The following MGST1 variants were observed in gnomAD, a reference collection of about 807,000 sequenced individuals.
MGST1 encodes the protein microsomal glutathione S-transferase 1.
A neutral mutation model predicts 8.9 loss-of-function variants in MGST1; 5 were observed. The ratio of observed to expected loss-of-function variants is 0.56; its 90% CI spans 0.29 to 1.19. The LOEUF (loss-of-function observed/expected upper bound fraction) is 1.19. Among genes scored for constraint, MGST1 ranks in the 50% most tolerant of loss-of-function variants. MGST1 has a pLI of 0.08. For synonymous variants in MGST1, 54 were observed against 67.8 expected, an observed-to-expected ratio of 0.80 and a Z score of 1.00; for missense variants, 182 against 187.4, an observed-to-expected ratio of 0.97 and a Z score of 0.17.
At chr12:16,442,380 T>C (rs12815895), downstream of MGST1, among the ~76,000 whole-genome samples, 7 of 151,898 alleles carry the variant, frequency 4.6e-5, no homozygotes, top group African/African-American at 1.7e-4. This position sits in a 1 kb window ranked among gnomAD's most constrained non-coding sequence, Gnocchi z 4.5. Flanking sequence ...ATCTAAAATG[T>C]CATCACGATA....
chr12:16,352,061 G>A (rs1279951084), intron 1 of MGST1, among the ~76,000 whole-genome samples: 1 of 152,198 alleles, frequency 6.6e-6, no homozygotes. Context: ...GTATAGTGTA[G>A]TAACCGTATG....
chr12:16,357,847 T>C, intron 3 of MGST1, 148 bp downstream of exon 3: 1 of 599,370 alleles, frequency 1.7e-6, no homozygotes, highest in Non-Finnish European at 2.9e-6. Context: ...ACTGGATGTC[T>C]GAAATTGACA....
At chr12:16,399,621 C>T (rs1296015417) in intron 1 of MGST1, 1 of 1,608,860 alleles carries the variant, frequency 6.2e-7, no homozygotes, top group Non-Finnish European at 8.5e-7. Context: ...CTCTGAATCC[C>T]CTTCTTCAGC....
chr12:16,401,442 A>G lies in MGST1; in HGVS notation n.778+17838A>G. On this transcript the variant is annotated intron_variant and non_coding_transcript_variant, in intron 1 of 1. Coordinates refer to the MGST1 transcript ENST00000359720. This position sits in a 1 kb window ranked among gnomAD's most constrained non-coding sequence, Gnocchi z 4.3. ...GCTTTTTAGCCACGTCCATGACAGC[A>G]TTATATACATCACATATCTTCACAC... 1.2e-6 allele frequency: 1 copy of G among 845,876 alleles called. No individual in the cohort carries two copies. Among genetic ancestry groups the G allele is most frequent in the South Asian group, 1.3e-5 (1 of 74,430 alleles). 52.4% of individuals were successfully genotyped at this position (845,876 alleles called of 1,614,324 possible).
intron 4 of MGST1, chr12:16,549,667 A>G (rs150013338): frequency 3.5e-4 from 53 of 152,412 alleles, no homozygotes; most frequent in African/African-American, 1.2e-3. Flanking sequence ...CCATAGCACT[A>G]AGTTTGCTGT....
chr12:16,424,811 T>A (rs1940871406), intron 1 of MGST1, among the ~76,000 whole-genome samples: 1 of 152,166 alleles, frequency 6.6e-6, no homozygotes, highest in Non-Finnish European at 1.5e-5. Flanking sequence ...CCCTCAGACT[T>A]GGGAAACGGG....
Position 16,363,683 on chromosome 12 carries a change from T to C in MGST1, c.222-112T>C. The C allele has an allele frequency of 1.1e-6, 1 of 905,498 alleles. No homozygotes were observed. The highest frequency in any genetic ancestry group is 1.6e-6 in the Non-Finnish European group (1 of 643,646). 56.1% of individuals were successfully genotyped at this position (905,498 alleles called of 1,614,324 possible). A position where few individuals can be genotyped will look rare whatever the true frequency, so the allele number is the denominator to read the frequency against. On this transcript the variant is annotated intron_variant, in intron 3 of 3. Coordinates refer to ENST00000396210, the MANE Select transcript of MGST1 (RefSeq NM_020300.5). This position sits in a 1 kb window ranked among gnomAD's most constrained non-coding sequence, Gnocchi z 4.6. ...GAGAGAAAAAAAATAAATCTTACTT[T>C]GAAATTTAAGGATCCATTAGTGCTC...
intron 4 of MGST1, among the ~76,000 whole-genome samples, chr12:16,571,118 A>G (rs529628838): frequency 1.3e-5 from 2 of 152,264 alleles, no homozygotes; most frequent in East Asian, 1.9e-4. Flanking sequence ...TGAAGAAACA[A>G]CCTAACTACT....
intron 1 of MGST1, among the ~76,000 whole-genome samples, chr12:16,396,936 C>T (rs755159553): frequency 5.9e-5 from 9 of 151,884 alleles, no homozygotes; most frequent in Non-Finnish European, 1.2e-4. Context: ...GAAAAAAAAT[C>T]CTAAAATTAA....
intron 4 of MGST1, among the ~76,000 whole-genome samples, chr12:16,459,079 A>G (rs1941200576): frequency 6.6e-6 from 1 of 152,148 alleles, no homozygotes; most frequent in African/African-American, 2.4e-5. Flanking sequence ...GATAGACAGG[A>G]CATTGGGAAT....
downstream of MGST1, among the ~76,000 whole-genome samples, chr12:16,440,258 C>T (rs1941027835): frequency 6.6e-6 from 1 of 151,566 alleles, no homozygotes; most frequent in Non-Finnish European, 1.5e-5. Context: ...CACACACACA[C>T]ACACACACAC....
intron 4 of MGST1, among the ~76,000 whole-genome samples, chr12:16,578,351 C>T (rs962989228): frequency 6.6e-5 from 10 of 152,058 alleles, no homozygotes; most frequent in African/African-American, 2.2e-4. Context: ...TTAAAAATAA[C>T]TTCCTACTTT....
chr12:16,407,359 G>A (rs914481118), intron 1 of MGST1, among the ~76,000 whole-genome samples: 2 of 152,110 alleles, frequency 1.3e-5, no homozygotes, highest in Non-Finnish European at 2.9e-5. Context: ...AAACCCCAAT[G>A]AGATACCATC....
chr12:16,357,273 T>C (rs1939759968), intron 2 of MGST1, among the ~76,000 whole-genome samples: 3 of 152,166 alleles, frequency 2.0e-5, no homozygotes. Flanking sequence ...TGTTTTCTTT[T>C]TTTTGAGGCA....
chr12:16,467,059 T>C (rs1941260501), intron 4 of MGST1, among the ~76,000 whole-genome samples: 1 of 152,092 alleles, frequency 6.6e-6, no homozygotes, highest in Admixed American at 6.5e-5. Flanking sequence ...TTCTTTTATT[T>C]AAAAAAAAAT....
intron 1 of MGST1, chr12:16,400,196 C>G: frequency 9.9e-7 from 1 of 1,006,092 alleles, no homozygotes; most frequent in Non-Finnish European, 1.6e-6. Flanking sequence ...GTTGTCTCTC[C>G]CACTTCTGTG....
chr12:16,373,179 C>T (rs1331335502), intron 3 of MGST1, among the ~76,000 whole-genome samples: 1 of 151,572 alleles, frequency 6.6e-6, no homozygotes, highest in Non-Finnish European at 1.5e-5. Context: ...TGTTCTCACT[C>T]ATATGTGGGA....
chr12:16,501,084 A>C (rs955201763), intron 4 of MGST1, among the ~76,000 whole-genome samples: 1 of 142,688 alleles, frequency 7.0e-6, no homozygotes, highest in Non-Finnish European at 1.5e-5. Flanking sequence ...GCCTGGTGAC[A>C]GGGACTCTGT....
intron 4 of MGST1, among the ~76,000 whole-genome samples, chr12:16,486,698 C>G (rs1435649132): frequency 6.6e-6 from 1 of 152,190 alleles, no homozygotes; most frequent in Non-Finnish European, 1.5e-5. Flanking sequence ...TGAAAACTGG[C>G]CAGAGCCTAG....
Sources: allele counts gnomAD v4.1 joint callset (sites outside exome capture counted in the v4.1 genomes callset), GRCh38; gene constraint gnomAD v4.1.1; non-coding constraint Gnocchi (gnomAD v3.1); transcripts MANE v1.5; gene names NCBI Gene and HGNC (gene_info 2026-07-23, HGNC 2026-07-21).